Variants in MARCHF1 observed in about 807,000 individuals in gnomAD.
MARCHF1 encodes the protein membrane associated ring-CH-type finger 1.
In MARCHF1, 40 loss-of-function variants were observed where a neutral mutation model predicts 54.2. The observed-to-expected ratio is 0.74, with a 90% CI of 0.57 to 0.96. The LOEUF is 0.96. Ranked by LOEUF, MARCHF1 falls within the 40% of genes least tolerant of loss-of-function variation. The probability of loss-of-function intolerance (pLI) is 0.00; values close to 1 mark genes in which losing one functional copy is unlikely to be tolerated. For synonymous variants in MARCHF1, 236 were observed against 236.3 expected, an observed-to-expected ratio of 1.00 and a Z score of 0.01; for missense variants, 586 against 656.5, an observed-to-expected ratio of 0.89 and a Z score of 1.17.
chr4:163,846,448 A>G (rs1749487195), intron 4 of MARCHF1, among the ~76,000 whole-genome samples: 1 of 152,134 alleles, frequency 6.6e-6, no homozygotes, highest in Non-Finnish European at 1.5e-5. Context: ...ATTTCCTTTA[A>G]CCTTGTAATA....
At chr4:163,832,582 A>ATAT (rs5863633) in intron 4 of MARCHF1, among the ~76,000 whole-genome samples, 2,265 of 147,586 alleles carry the variant, frequency 0.015, 40 homozygotes, top group African/African-American at 0.046. Context: ...TGGATCCAAA[A>ATAT]TATTATTATT....
At chr4:164,345,252 C>A (rs190854377) in intron 1 of MARCHF1, among the ~76,000 whole-genome samples, 1 of 152,150 alleles carries the variant, frequency 6.6e-6, no homozygotes, top group Admixed American at 6.5e-5. Context: ...ATATGTACAA[C>A]TATTGTTTGT....
At chr4:164,277,033 T>G (rs1451752953) in intron 1 of MARCHF1, among the ~76,000 whole-genome samples, 3 of 151,232 alleles carry the variant, frequency 2.0e-5, no homozygotes, top group Admixed American at 6.6e-5. Flanking sequence ...AGTTCCACGG[T>G]GTTGAGAGTC....
intron 4 of MARCHF1, among the ~76,000 whole-genome samples, chr4:163,720,136 T>C (rs188917025): frequency 1.4e-4 from 22 of 152,258 alleles, no homozygotes; most frequent in East Asian, 9.7e-4. Context: ...GCCTAGGTTT[T>C]CTTCTAGGGT....
intron 1 of MARCHF1, chr4:164,189,672 G>A (rs1386827690): frequency 1.1e-6 from 1 of 949,150 alleles, no homozygotes; most frequent in African/African-American, 1.6e-5. Flanking sequence ...GAGGTGTCAT[G>A]ATCAAACTGA....
intron 3 of MARCHF1, among the ~76,000 whole-genome samples, chr4:163,931,191 T>C (rs1159784222): frequency 6.6e-6 from 1 of 152,144 alleles, no homozygotes; most frequent in African/African-American, 2.4e-5. Context: ...ATCTTGGACT[T>C]CTAGCCTCCA....
chr4:163,576,296 C>T (rs1195008819), intron 8 of MARCHF1, among the ~76,000 whole-genome samples: 1 of 152,062 alleles, frequency 6.6e-6, no homozygotes, highest in Non-Finnish European at 1.5e-5. Context: ...TAATTGTTTA[C>T]TCAAAAGTCA....
At chr4:163,850,880 G>C (rs1259507480) in intron 4 of MARCHF1, among the ~76,000 whole-genome samples, 1 of 152,162 alleles carries the variant, frequency 6.6e-6, no homozygotes, top group Non-Finnish European at 1.5e-5. Context: ...CAGATACGTA[G>C]AGAAACAGAA....
intron 1 of MARCHF1, among the ~76,000 whole-genome samples, chr4:164,360,206 G>C (rs1461986172): frequency 6.6e-6 from 1 of 151,972 alleles, no homozygotes; most frequent in East Asian, 1.9e-4. Context: ...GCTTCCAGCT[G>C]TATCCACTGG....
At chr4:163,689,758 T>C (rs188701204) in intron 5 of MARCHF1, among the ~76,000 whole-genome samples, 85 of 152,036 alleles carry the variant, frequency 5.6e-4, no homozygotes, top group Non-Finnish European at 1.1e-3. Context: ...GTGGGATGAG[T>C]AAGAACTATT....
chr4:163,708,578 T>C (rs887238298), intron 4 of MARCHF1, among the ~76,000 whole-genome samples: 1 of 152,234 alleles, frequency 6.6e-6, no homozygotes, highest in Admixed American at 6.5e-5. Context: ...ATAAGGTAAC[T>C]TCGAGAGTGA....
intron 1 of MARCHF1, among the ~76,000 whole-genome samples, chr4:164,321,283 C>T (rs146997679): frequency 1.2e-3 from 187 of 152,124 alleles, no homozygotes; most frequent in African/African-American, 4.4e-3. Flanking sequence ...CTGGAGTAAA[C>T]AGCATTAAAC....
chr4:163,554,735 C>T (rs930325676), intron 8 of MARCHF1, among the ~76,000 whole-genome samples: 1 of 152,086 alleles, frequency 6.6e-6, no homozygotes, highest in African/African-American at 2.4e-5. Context: ...GTAAACCAGG[C>T]ATAAATATTC....
chr4:164,382,578 CA>C (rs1403966375), intron 1 of MARCHF1, among the ~76,000 whole-genome samples: 9 of 152,122 alleles, frequency 5.9e-5, no homozygotes, highest in African/African-American at 1.9e-4. Flanking sequence ...ACTGAACCCC[CA>C]AAGTAGCAAA....
At chr4:164,046,208 C>T (rs1754239900) in intron 2 of MARCHF1, among the ~76,000 whole-genome samples, 1 of 152,236 alleles carries the variant, frequency 6.6e-6, no homozygotes, top group African/African-American at 2.4e-5. Flanking sequence ...AAGAGGGACA[C>T]ATTATCTTTA....
At chr4:163,956,388 C>A (rs1235334114) in intron 3 of MARCHF1, among the ~76,000 whole-genome samples, 1 of 152,042 alleles carries the variant, frequency 6.6e-6, no homozygotes, top group African/African-American at 2.4e-5. Context: ...CTTGGACATG[C>A]CATTGTTAAA....
intron 1 of MARCHF1, among the ~76,000 whole-genome samples, chr4:164,179,000 G>C (rs1244534327): frequency 3.9e-5 from 6 of 152,076 alleles, no homozygotes; most frequent in Admixed American, 6.6e-5. Context: ...CAGGGCTGCA[G>C]TTTATAGAGA....
intron 1 of MARCHF1, among the ~76,000 whole-genome samples, chr4:164,352,520 A>T (rs1157611147): frequency 7.0e-6 from 1 of 142,950 alleles, no homozygotes; most frequent in East Asian, 2.4e-4. Flanking sequence ...TAAGCTTCAT[A>T]AGTGAAGGAG....
intron 1 of MARCHF1, among the ~76,000 whole-genome samples, chr4:164,339,917 G>A (rs945231652): frequency 1.8e-4 from 28 of 151,998 alleles, no homozygotes; most frequent in Admixed American, 1.6e-3. Flanking sequence ...CAAATAATCC[G>A]AATATTATTA....
Sources: gnomAD v4.1 joint callset for allele counts (sites outside exome capture counted in the v4.1 genomes callset) on GRCh38, gnomAD v4.1.1 for gene constraint, MANE v1.5 for transcripts, NCBI Gene and HGNC (gene_info 2026-07-23, HGNC 2026-07-21) for gene names.